The following RGL2 variants were observed in gnomAD, a reference collection of about 807,000 sequenced individuals.
RGL2 encodes ral guanine nucleotide dissociation stimulator like 2.
A neutral mutation model predicts 84.6 loss-of-function variants in RGL2; 40 were observed. That is an observed-to-expected ratio of 0.47 (90% CI 0.37 to 0.62). The LOEUF is 0.62. RGL2 is among the 20% of genes least tolerant of loss of function. The probability of loss-of-function intolerance (pLI) is 0.00; values close to 1 mark genes in which losing one functional copy is unlikely to be tolerated. For missense variants in RGL2, 865 were observed against 1,019.7 expected (o/e 0.85, Z 2.07); for synonymous variants, 369 against 417.3 (o/e 0.88, Z 1.41).
At position 33,296,350 on chromosome 6, in the gene RGL2, G is replaced by GT. The variant is rs768277254; in HGVS notation, c.471-26dup. 20 of 1,606,756 alleles carry GT rather than the reference G, an allele frequency of 1.2e-5. No individual in the cohort carries two copies. In the Admixed American group the frequency reaches 2.9e-4, roughly 23 times the overall value. ...CCTGGGAGAAGGGAATCAGCCAAGG[G>GT]TGAGAGGTAAAGCTGCAGCCTGGGC... is the stretch of plus-strand genomic sequence containing the variant. On this transcript the variant is annotated intron_variant, in intron 5 of 17. Transcript: ENST00000497454. This position sits in a 1 kb window ranked among gnomAD's most constrained non-coding sequence, Gnocchi z 5.0.
At chr6:33,301,403 G>A (rs1403924349), upstream of RGL2, 8 of 238,678 alleles carry the variant, frequency 3.4e-5, no homozygotes, top group African/African-American at 1.6e-4. Flanking sequence ...GTGAAACCCC[G>A]TCTCTACTAA....
upstream of RGL2, chr6:33,301,510 G>T (rs1768579088): frequency 6.0e-6 from 3 of 499,312 alleles, no homozygotes; most frequent in Non-Finnish European, 7.1e-6. Context: ...GGAGGCGGAG[G>T]TTGCAGTAAG....
rs1419247412 is a variant in RGL2, at chr6:33,295,255, G to A, written c.1125-44C>T. The stretch of plus-strand genomic sequence containing the variant: ...TGGCCCTGAGGACAGGCCTGGCTCT[G>A]TCACCCCCTCTTCCCCGCCTTCTGA... On this transcript the variant is annotated intron_variant, in intron 8 of 17. Coordinates refer to ENST00000497454, the MANE Select transcript of RGL2 (RefSeq NM_004761.5). This position sits in a 1 kb window ranked among gnomAD's most constrained non-coding sequence, Gnocchi z 7.2. The A allele has an allele frequency of 6.4e-7, 1 of 1,570,732 alleles. No homozygotes were observed. Among genetic ancestry groups the A allele is most frequent in the South Asian group, 1.2e-5 (1 of 86,316 alleles).
Position 33,295,822 on chromosome 6 carries a change from G to A in RGL2, c.769-63C>T. 4 of 1,554,498 alleles carry A rather than the reference G, an allele frequency of 2.6e-6. No homozygotes were observed. The highest frequency in any genetic ancestry group is 3.5e-6 in the Non-Finnish European group (4 of 1,139,416). On this transcript the variant is annotated intron_variant, in intron 6 of 17. Coordinates refer to ENST00000497454, the MANE Select transcript of RGL2 (RefSeq NM_004761.5). The surrounding 1 kb of genome is among the most constrained non-coding windows in gnomAD (Gnocchi z 7.2). ...AGTGAGGTCAGCCTTCCAATATCAG[G>A]GATCTGAGGATCTCAGGTGGCCAAG...
chr6:33,296,483 T>A lies in RGL2; in HGVS notation c.420-19A>T. The A allele has an allele frequency of 1.3e-6, 2 of 1,598,022 alleles. No homozygotes were observed. Among genetic ancestry groups the A allele is most frequent in the Non-Finnish European group, 1.7e-6 (2 of 1,172,632 alleles). ...TTCCAGCCTGAGGGGGAGAAGAGGA[T>A]CTATCTGTCCATTTTTCCCAAACCC... On this transcript the variant is annotated intron_variant, in intron 4 of 17. Coordinates refer to ENST00000497454, the MANE Select transcript of RGL2 (RefSeq NM_004761.5). The surrounding 1 kb of genome is among the most constrained non-coding windows in gnomAD (Gnocchi z 5.0).
rs1278012037 is a variant in RGL2 at position 33,296,568 on chromosome 6, C to G, written c.419+30G>C. The G allele has an allele frequency of 6.2e-7, 1 of 1,601,032 alleles. No homozygotes were observed. Among genetic ancestry groups the G allele is most frequent in the East Asian group, 2.2e-5 (1 of 44,766 alleles). Reference sequence around the variant, plus strand: ...GCTTTAGGAAATCCGGGCAGATACTCCACTACCCTGCGTCCCTTATGACTC... The same window carrying G: ...GCTTTAGGAAATCCGGGCAGATACTGCACTACCCTGCGTCCCTTATGACTC... On this transcript the variant is annotated intron_variant, in intron 4 of 17. Coordinates refer to ENST00000497454, the MANE Select transcript of RGL2 (RefSeq NM_004761.5). The surrounding 1 kb of genome is among the most constrained non-coding windows in gnomAD (Gnocchi z 5.0).
chr6:33,294,399 G>A lies in RGL2; in HGVS notation c.1353+289C>T, dbSNP rs1227352147. Among the ~76,000 whole-genome samples the A allele has an allele frequency of 6.6e-6, 1 of 152,104 alleles. No homozygotes were observed. The highest frequency in any genetic ancestry group is 1.5e-5 in the Non-Finnish European group (1 of 68,014). On this transcript the variant is annotated intron_variant, in intron 11 of 17. Transcript: ENST00000497454. This position sits in a 1 kb window ranked among gnomAD's most constrained non-coding sequence, Gnocchi z 5.0. The stretch of plus-strand genomic sequence containing the variant: ...GTATTTGTTTATTTAACAAACTCTA[G>A]CAATAGAGCAGGAGCCCATCACAAA...
rs776355641 is a variant in RGL2 at position 33,292,135 on chromosome 6, G to A, written c.2301C>T (p.Ala767=). ...GGGGSFPRIK[A]TGRKIARALF ...GTGCCCGTGCAATCTTCCTCCCTGT[G>A]GCCTTGATCCTGGGAAAGGAGCCCC... is the stretch of plus-strand genomic sequence containing the variant. The change falls in exon 18 of 18, where the codon GCC becomes GCT. Residue 767 remains alanine (A), a synonymous_variant. Transcript: ENST00000497454. The A allele has an allele frequency of 6.2e-7, 1 of 1,614,144 alleles. No homozygotes were observed. Among genetic ancestry groups the A allele is most frequent in the South Asian group, 1.1e-5 (1 of 91,082 alleles).
In RGL2 at chr6:33,297,111, G is replaced by A. The variant is rs1768051187; in HGVS notation, c.161C>T (p.Pro54Leu). The change falls in exon 3 of 18, where the codon CCT (proline) becomes CTT (leucine). Residue 54 changes from proline to leucine, a missense_variant. Around this residue, in one of 5 missense-constraint regions of RGL2, gnomAD observed 455 missense variants for 507.8 expected, o/e 0.90. Coordinates refer to ENST00000497454, the MANE Select transcript of RGL2 (RefSeq NM_004761.5). The surrounding 1 kb of genome is among the most constrained non-coding windows in gnomAD (Gnocchi z 4.0). Reference sequence around the variant, plus strand: ...CTCCTCCTCATCCCAGACGGACACAGGGGCCTGGAGGAGCAAGGAAGGGGA... The same window carrying A: ...CTCCTCCTCATCCCAGACGGACACAAGGGCCTGGAGGAGCAAGGAAGGGGA... ...EEEEEEEEEA[P>L]VSVWDEEEDG... 1.3e-6 allele frequency: 2 copies of A among 1,546,384 alleles called. No homozygotes were observed. The highest frequency in any genetic ancestry group is 1.3e-5 in the South Asian group (1 of 77,864).
rs1396068317 is a variant in RGL2, at chr6:33,293,877, C to T, written c.1426G>A (p.Glu476Lys). The T allele has an allele frequency of 2.5e-6, 4 of 1,614,014 alleles. No homozygotes were observed. Among genetic ancestry groups the T allele is most frequent in the Non-Finnish European group, 2.5e-6 (3 of 1,180,050 alleles). Reference protein sequence around the residue: ...VLSELRRLQNECRGYNLQPDH... With the variant: ...VLSELRRLQNKCRGYNLQPDH... ...GGTTGGAGGTTATAGCCACGACATT[C>T]ATTCTGGAGCCGTCGCAACTCAGAA... The change falls in exon 13 of 18, where the codon GAA (glutamate) becomes AAA (lysine). Residue 476 changes from glutamate to lysine, a missense_variant. By Grantham distance (56) the Glu-to-Lys change is moderately conservative. This residue lies in a region of RGL2 where 75 missense variants were observed against 130.8 expected (regional missense o/e 0.57). Transcript: ENST00000497454. The surrounding 1 kb of genome is among the most constrained non-coding windows in gnomAD (Gnocchi z 7.0).
chr6:33,293,531 T>C lies in RGL2; in HGVS notation c.1605-7A>G. On this transcript the variant is annotated splice_region_variant and splice_polypyrimidine_tract_variant and intron_variant, in intron 14 of 17. Transcript: ENST00000497454. This position sits in a 1 kb window ranked among gnomAD's most constrained non-coding sequence, Gnocchi z 7.0. ...CCCAACAGAGCCCAAAACCCTGCAG[T>C]GGCAGGAGATTGGGAGGATCAGAGA... 6.2e-7 allele frequency: 1 copy of C among 1,613,160 alleles called. No homozygotes were observed. The highest frequency in any genetic ancestry group is 1.1e-5 in the South Asian group (1 of 90,996).
rs1319243223 is a variant in RGL2, at chr6:33,294,643, C to T, written c.1353+45G>A. ...CGGGGGGGTCTGTCCGACCCTGCAGCCCACTTGTTACATCATTGCAATGAC... is the reference window on the plus strand; with the variant it reads ...CGGGGGGGTCTGTCCGACCCTGCAGTCCACTTGTTACATCATTGCAATGAC... On this transcript the variant is annotated intron_variant, in intron 11 of 17. Coordinates refer to ENST00000497454, the MANE Select transcript of RGL2 (RefSeq NM_004761.5). The surrounding 1 kb of genome is among the most constrained non-coding windows in gnomAD (Gnocchi z 5.0). 1.2e-6 allele frequency: 2 copies of T among 1,607,470 alleles called. No homozygotes were observed. The highest frequency in any genetic ancestry group is 2.2e-5 in the East Asian group (1 of 44,770).
chr6:33,298,771 G>A lies in RGL2; in HGVS notation c.-42+99C>T. On this transcript the variant is annotated intron_variant, in intron 1 of 17. Transcript: ENST00000497454. The surrounding 1 kb of genome is among the most constrained non-coding windows in gnomAD (Gnocchi z 4.8). The stretch of plus-strand genomic sequence containing the variant: ...AAGGGAGTTCTGCAGGAAGGTTGGG[G>A]GAGGGGGCAACAGAAGGGTGGAATA... 1 of 510,560 alleles carries A rather than the reference G, an allele frequency of 2.0e-6. No homozygotes were observed. The highest frequency in any genetic ancestry group is 3.4e-6 in the Non-Finnish European group (1 of 292,610). The allele number at this position is 510,560 out of a possible 1,614,324, so 31.6% of individuals were successfully genotyped here.
Position 33,294,546 on chromosome 6 carries a change from G to A in RGL2, c.1353+142C>T, listed in dbSNP as rs1767745548. On this transcript the variant is annotated intron_variant, in intron 11 of 17. Coordinates refer to ENST00000497454, the MANE Select transcript of RGL2 (RefSeq NM_004761.5). The surrounding 1 kb of genome is among the most constrained non-coding windows in gnomAD (Gnocchi z 5.0). ...TTTCCCATTTACAGATCACTGAGGC[G>A]ACTTGGCACAGAAACAGATCTGGCT... 5 of 789,274 alleles carry A rather than the reference G, an allele frequency of 6.3e-6. No homozygotes were observed. The highest frequency in any genetic ancestry group is 2.7e-5 in the Admixed American group (1 of 36,912). The allele number at this position is 789,274 out of a possible 1,614,324, so 48.9% of individuals were successfully genotyped here. A position where few individuals can be genotyped will look rare whatever the true frequency, so the allele number is the denominator to read the frequency against.
In RGL2 at chr6:33,295,583, A is replaced by T; in HGVS notation, c.945T>A (p.Pro315=). 6.2e-7 allele frequency: 1 copy of T among 1,613,944 alleles called. No homozygotes were observed. Among genetic ancestry groups the T allele is most frequent in the Non-Finnish European group, 8.5e-7 (1 of 1,180,016 alleles). The change falls in exon 7 of 18, where the codon CCT becomes CCA. Residue 315 remains proline (P), a synonymous_variant. Transcript: ENST00000497454. This position sits in a 1 kb window ranked among gnomAD's most constrained non-coding sequence, Gnocchi z 7.2. ...GGAGTGGCCGTATGGTCACCTCCCCAGGTCCCTCTCCAGTGGAAGTAGCCC... is the reference window on the plus strand; with the variant it reads ...GGAGTGGCCGTATGGTCACCTCCCCTGGTCCCTCTCCAGTGGAAGTAGCCC... ...VLGATSTGEG[P]GEVTIRPLRP...
In RGL2 at chr6:33,293,754, C is replaced by G. The variant is rs1382156041; in HGVS notation, c.1508+41G>C. The G allele has an allele frequency of 6.2e-7, 1 of 1,613,146 alleles. No individual in the cohort carries two copies. ...AGGACATGACACCAATCCCCCACAC[C>G]TGGCCAGAACCCTGGAGTCCCAACC... On this transcript the variant is annotated intron_variant, in intron 13 of 17. Coordinates refer to ENST00000497454, the MANE Select transcript of RGL2 (RefSeq NM_004761.5). The surrounding 1 kb of genome is among the most constrained non-coding windows in gnomAD (Gnocchi z 7.0).
chr6:33,298,572 GC>G lies in RGL2; in HGVS notation c.38del (p.Ser13ThrfsTer8), dbSNP rs1768250124. ...PRPLRLLLDT[S>X]PPGGVVLSSF... ...TGCTCAGTACGACTCCCCCGGGGGGGCTCGTGTCCAAAAGCAGCCGCAGGGG... is the reference window on the plus strand; with the variant it reads ...TGCTCAGTACGACTCCCCCGGGGGGGTCGTGTCCAAAAGCAGCCGCAGGGG... On this transcript the variant is annotated frameshift_variant, in exon 2 of 18. Transcript: ENST00000497454. LOFTEE classifies it high-confidence loss of function. The surrounding 1 kb of genome is among the most constrained non-coding windows in gnomAD (Gnocchi z 4.8). 1 of 1,469,146 alleles carries G rather than the reference GC, an allele frequency of 6.8e-7. No homozygotes were observed. The highest frequency in any genetic ancestry group is 9.0e-7 in the Non-Finnish European group (1 of 1,110,360). 91.0% of individuals were successfully genotyped at this position (1,469,146 alleles called of 1,614,324 possible).
chr6:33,297,239 C>T lies in RGL2; in HGVS notation c.157-124G>A. On this transcript the variant is annotated intron_variant, in intron 2 of 17. Coordinates refer to ENST00000497454, the MANE Select transcript of RGL2 (RefSeq NM_004761.5). This position sits in a 1 kb window ranked among gnomAD's most constrained non-coding sequence, Gnocchi z 4.0. ...CTGTGGTGGCAGGGCATAGTACCAG[C>T]GAGTGCGAGGAAGGGTTGGGGGAGC... The T allele has an allele frequency of 1.4e-6, 1 of 727,920 alleles. No individual in the cohort carries two copies. The highest frequency in any genetic ancestry group is 2.2e-6 in the Non-Finnish European group (1 of 455,620). 45.1% of individuals were successfully genotyped at this position (727,920 alleles called of 1,614,324 possible).
At position 33,296,479 on chromosome 6, in the gene RGL2, A is replaced by T. The variant is rs975472480; in HGVS notation, c.420-15T>A. On this transcript the variant is annotated splice_polypyrimidine_tract_variant and intron_variant, in intron 4 of 17. Coordinates refer to ENST00000497454, the MANE Select transcript of RGL2 (RefSeq NM_004761.5). The surrounding 1 kb of genome is among the most constrained non-coding windows in gnomAD (Gnocchi z 5.0). The stretch of plus-strand genomic sequence containing the variant: ...GGGCTTCCAGCCTGAGGGGGAGAAG[A>T]GGATCTATCTGTCCATTTTTCCCAA... 5 of 1,598,774 alleles carry T rather than the reference A, an allele frequency of 3.1e-6. No homozygotes were observed. The highest frequency in any genetic ancestry group is 1.7e-5 in the Admixed American group (1 of 57,246).
Sources: gnomAD v4.1 joint callset for allele counts (sites outside exome capture counted in the v4.1 genomes callset) on GRCh38, gnomAD v4.1.1 for gene constraint, gnomAD v4.1.1 regional missense constraint, Gnocchi (gnomAD v3.1) non-coding constraint, MANE v1.5 for transcripts, NCBI Gene and HGNC (gene_info 2026-07-23, HGNC 2026-07-21) for gene names.